PITPNM2: variants seen among roughly 807,000 people sequenced by gnomAD.
The protein encoded by PITPNM2 is phosphatidylinositol transfer protein membrane associated 2.
A neutral mutation model predicts 132.2 loss-of-function variants in PITPNM2; 35 were observed. That is an observed-to-expected ratio of 0.26 (90% CI 0.20 to 0.35). The LOEUF is 0.35. Among genes scored for constraint, PITPNM2 ranks in the 10% least tolerant of loss-of-function variants. The pLI, the probability that PITPNM2 is intolerant of heterozygous loss-of-function variation, is 1.00. For missense variants in PITPNM2, 1,332 were observed against 1,912.0 expected, an observed-to-expected ratio of 0.70 and a Z score of 5.66; for synonymous variants, 738 against 799.2, an observed-to-expected ratio of 0.92 and a Z score of 1.29.
At chr12:123,123,799 A>C (rs2043078006) in intron 1 of PITPNM2, among the ~76,000 whole-genome samples, 1 of 151,812 alleles carries the variant, frequency 6.6e-6, no homozygotes, top group Admixed American at 6.6e-5. Flanking sequence ...AGCCAGGTGT[A>C]GGGGGACATT....
At position 123,005,592 on chromosome 12, in the gene PITPNM2, G is replaced by A; in HGVS notation, c.644-44C>T. ...AGAGAGGGAGAGACGAGGGGAGGGA[G>A]GTCAGCGCAGGAGCCTGCACGGAAG... is the stretch of plus-strand genomic sequence containing the variant. On this transcript the variant is annotated intron_variant, in intron 6 of 25. Coordinates refer to ENST00000320201, the MANE Select transcript of PITPNM2 (RefSeq NM_020845.3). This position sits in a 1 kb window ranked among gnomAD's most constrained non-coding sequence, Gnocchi z 6.2. 2 of 1,577,816 alleles carry A rather than the reference G, an allele frequency of 1.3e-6. No homozygotes were observed. Among genetic ancestry groups the A allele is most frequent in the Non-Finnish European group, 1.7e-6 (2 of 1,159,600 alleles).
In PITPNM2 at chr12:123,000,704, C is replaced by T; in HGVS notation, c.1224+74G>A. ...GCCCAGAGTTCCACCTCTGTAACCC[C>T]TCAGACTATTCCTCTGCACCCTGCC... is the stretch of plus-strand genomic sequence containing the variant. On this transcript the variant is annotated intron_variant, in intron 10 of 25. Transcript: ENST00000320201. The surrounding 1 kb of genome is among the most constrained non-coding windows in gnomAD (Gnocchi z 5.4). The T allele has an allele frequency of 6.6e-7, 1 of 1,507,724 alleles. No individual in the cohort carries two copies. The highest frequency in any genetic ancestry group is 9.1e-7 in the Non-Finnish European group (1 of 1,097,256). The allele number at this position is 1,507,724 out of a possible 1,614,324, so 93.4% of individuals were successfully genotyped here. A position where few individuals can be genotyped will look rare whatever the true frequency, so the allele number is the denominator to read the frequency against.
Position 123,108,139 on chromosome 12 carries a change from G to A in PITPNM2, c.-96+2246C>T, listed in dbSNP as rs1455677991. 6.6e-6 allele frequency among the ~76,000 whole-genome samples: 1 copy of A among 152,216 alleles called. No individual in the cohort carries two copies. The highest frequency in any genetic ancestry group is 1.5e-5 in the Non-Finnish European group (1 of 68,046). ...AGCATATAAACTAGACGCGGGCAGG[G>A]ATGCCTGTCTGTTTTGTTCACAGTG... On this transcript the variant is annotated intron_variant, in intron 2 of 25. Transcript: ENST00000320201. The surrounding 1 kb of genome is among the most constrained non-coding windows in gnomAD (Gnocchi z 4.4).
chr12:123,040,596 T>C (rs1464298243), intron 2 of PITPNM2, among the ~76,000 whole-genome samples: 1 of 152,126 alleles, frequency 6.6e-6, no homozygotes, highest in Non-Finnish European at 1.5e-5. Context: ...CCATTTCACT[T>C]GAGATACATG....
intron 1 of PITPNM2, among the ~76,000 whole-genome samples, chr12:123,133,779 CAATT>C (rs962159220): frequency 2.0e-5 from 3 of 147,976 alleles, no homozygotes; most frequent in African/African-American, 7.5e-5. Flanking sequence ...CTTAGCATCA[CAATT>C]ATTAATGAAC....
chr12:123,131,248 TAAGAG>T (rs1020077385), intron 1 of PITPNM2, among the ~76,000 whole-genome samples: 3 of 152,150 alleles, frequency 2.0e-5, no homozygotes, highest in Non-Finnish European at 4.4e-5. Context: ...GGTGTCCTTA[TAAGAG>T]AAAAGTCACA....
intron 10 of PITPNM2, among the ~76,000 whole-genome samples, 158 bp from the exon 11 acceptor site, chr12:122,997,730 G>A (rs985923373): frequency 1.1e-4 from 17 of 152,152 alleles, no homozygotes; most frequent in African/African-American, 3.4e-4. Context: ...CCTGGGGTTT[G>A]GCTGCCTCAA....
At chr12:123,007,232 C>T (rs1259226133) in intron 6 of PITPNM2, among the ~76,000 whole-genome samples, 1 of 152,178 alleles carries the variant, frequency 6.6e-6, no homozygotes, top group Non-Finnish European at 1.5e-5. Context: ...TCCATGGATG[C>T]ACGCGTGGGG....
At chr12:123,042,575 C>G (rs966987444) in intron 2 of PITPNM2, among the ~76,000 whole-genome samples, 1 of 152,140 alleles carries the variant, frequency 6.6e-6, no homozygotes, top group Non-Finnish European at 1.5e-5. Flanking sequence ...GCGGGAGCCC[C>G]GGTTTTTGCA....
intron 1 of PITPNM2, among the ~76,000 whole-genome samples, chr12:123,125,459 A>C (rs543030313): frequency 3.6e-4 from 55 of 152,320 alleles, no homozygotes; most frequent in Non-Finnish European, 6.3e-4. Context: ...CTACAGATTT[A>C]ACAAGAGTTT....
At position 123,138,301 on chromosome 12, in the gene PITPNM2, A is replaced by G. The variant is rs138719479; in HGVS notation, c.-200+12452T>C. 4.6e-5 allele frequency among the ~76,000 whole-genome samples: 7 copies of G among 152,014 alleles called. No homozygotes were observed. The East Asian group carries it at 1.4e-3, about 29-fold the overall frequency. ...ATCTCTGCAAAAAAATACAAAAATT[A>G]TCCAGACATGGTGGTGCGTGCCTGT... On this transcript the variant is annotated intron_variant, in intron 1 of 25. Transcript: ENST00000320201.
chr12:122,988,957 C>G, intron 18 of PITPNM2, 85 bp from the exon 19 acceptor site: 1 of 1,358,940 alleles, frequency 7.4e-7, no homozygotes, highest in Non-Finnish European at 9.7e-7. Flanking sequence ...CTGGCCTGCT[C>G]AGCCCAGCAC....
chr12:123,014,186 G>A (rs2136266627), intron 3 of PITPNM2, 144 bp from the exon 4 acceptor site: 2 of 815,614 alleles, frequency 2.5e-6, no homozygotes, highest in Non-Finnish European at 3.9e-6. Context: ...TCACTTCCAG[G>A]CCCCCAAATC....
chr12:123,025,646 G>A (rs2039839022), intron 3 of PITPNM2, among the ~76,000 whole-genome samples: 1 of 151,952 alleles, frequency 6.6e-6, no homozygotes, highest in Non-Finnish European at 1.5e-5. Context: ...CCATCAGGCT[G>A]GTCTCGAACT....
intron 1 of PITPNM2, among the ~76,000 whole-genome samples, chr12:123,133,837 AC>A (rs1232027453): frequency 3.3e-5 from 5 of 150,582 alleles, no homozygotes; most frequent in Admixed American, 1.3e-4. Flanking sequence ...CTCCTCCCTC[AC>A]TGTACACGAA....
At position 123,108,253 on chromosome 12, in the gene PITPNM2, A is replaced by ACATT. The variant is rs1397775212; in HGVS notation, c.-96+2131_-96+2132insAATG. On this transcript the variant is annotated intron_variant, in intron 2 of 25. Coordinates refer to ENST00000320201, the MANE Select transcript of PITPNM2 (RefSeq NM_020845.3). The surrounding 1 kb of genome is among the most constrained non-coding windows in gnomAD (Gnocchi z 4.4). ...AATGAGTGGAGCAGAACAATTCCTGAAGACATTTTAGGTCTAAGTGAAGAC... is the reference window on the plus strand; with the variant it reads ...AATGAGTGGAGCAGAACAATTCCTGACATTAGACATTTTAGGTCTAAGTGAAGAC... Among the ~76,000 whole-genome samples, 3 of 152,210 alleles carry ACATT rather than the reference A, an allele frequency of 2.0e-5. No homozygotes were observed.
intron 1 of PITPNM2, among the ~76,000 whole-genome samples, chr12:123,114,930 G>A (rs1005732325): frequency 2.0e-5 from 3 of 152,168 alleles, no homozygotes; most frequent in Admixed American, 1.3e-4. Context: ...GCACAGTTAC[G>A]GTGTAGACCC....
chr12:123,120,272 G>C (rs930664078), intron 1 of PITPNM2, among the ~76,000 whole-genome samples: 1 of 152,154 alleles, frequency 6.6e-6, no homozygotes, highest in Non-Finnish European at 1.5e-5. Flanking sequence ...GAGCTTCGAC[G>C]GCCCCTCACC....
intron 2 of PITPNM2, among the ~76,000 whole-genome samples, chr12:123,066,756 G>A (rs1461008586): frequency 7.2e-5 from 11 of 152,100 alleles, no homozygotes; most frequent in Non-Finnish European, 1.3e-4. Context: ...CTTAAAATAC[G>A]TGTCTGACTA....
Sources: gnomAD v4.1 joint callset for allele counts (sites outside exome capture counted in the v4.1 genomes callset) on GRCh38, gnomAD v4.1.1 for gene constraint, Gnocchi (gnomAD v3.1) non-coding constraint, MANE v1.5 for transcripts, NCBI Gene and HGNC (gene_info 2026-07-23, HGNC 2026-07-21) for gene names.